MYO16: variants seen among roughly 807,000 people sequenced by gnomAD.
The protein encoded by MYO16 is unconventional myosin-XVI.
Under a neutral mutation model 205.3 loss-of-function variants are expected in MYO16, and 94 were observed. The observed-to-expected ratio is 0.46, with a 90% CI of 0.39 to 0.54. MYO16 has a LOEUF of 0.54. Ranked by LOEUF, MYO16 falls within the 20% of genes least tolerant of loss-of-function variation. The pLI, the probability that MYO16 is intolerant of heterozygous loss-of-function variation, is 0.00. For synonymous variants in MYO16, 988 were observed against 954.0 expected (o/e 1.04, Z -0.66); for missense variants, 2,315 against 2,387.5 (o/e 0.97, Z 0.63).
intron 27 of MYO16, among the ~76,000 whole-genome samples, chr13:109,060,774 G>A (rs539247909): frequency 6.6e-6 from 1 of 152,040 alleles, no homozygotes; most frequent in Non-Finnish European, 1.5e-5. Flanking sequence ...AATGATAATT[G>A]GCTTCAACTT....
chr13:108,516,275 A>G, the MYO16 span, among the ~76,000 whole-genome samples: 1 of 151,462 alleles, frequency 6.6e-6, no homozygotes, highest in African/African-American at 2.4e-5. Context: ...TGACTCGGAA[A>G]GGGAACTTCC....
chr13:108,832,410 A>G (rs1041414117), intron 9 of MYO16, among the ~76,000 whole-genome samples: 12 of 151,480 alleles, frequency 7.9e-5, no homozygotes. Flanking sequence ...CCAAAGTGCT[A>G]GGATTACAGG....
At chr13:108,693,711 G>A (rs1838325413) in intron 2 of MYO16, among the ~76,000 whole-genome samples, 1 of 152,066 alleles carries the variant, frequency 6.6e-6, no homozygotes, top group South Asian at 2.1e-4. Flanking sequence ...GGACTACCTG[G>A]TTTTCTTAAC....
chr13:108,679,143 C>G (rs973472221), intron 2 of MYO16, among the ~76,000 whole-genome samples: 1 of 152,088 alleles, frequency 6.6e-6, no homozygotes, highest in Non-Finnish European at 1.5e-5. Context: ...CTTTAAATAC[C>G]TCTAGCCTGC....
At chr13:108,621,308 T>C (rs1879533666) in intron 1 of MYO16, among the ~76,000 whole-genome samples, 1 of 152,180 alleles carries the variant, frequency 6.6e-6, no homozygotes, top group African/African-American at 2.4e-5. Flanking sequence ...CCAGGGCTGA[T>C]AGAATTCTAT....
chr13:108,674,648 G>T (rs551351397), intron 2 of MYO16, among the ~76,000 whole-genome samples: 1 of 152,290 alleles, frequency 6.6e-6, no homozygotes, highest in African/African-American at 2.4e-5. Context: ...AAATCTACTA[G>T]GAACATGACC....
intron 3 of MYO16, among the ~76,000 whole-genome samples, chr13:108,720,030 G>T (rs536508420): frequency 1.3e-5 from 2 of 152,268 alleles, no homozygotes; most frequent in African/African-American, 4.8e-5. Flanking sequence ...TTAGAGTCTG[G>T]TTCAATTGGC....
chr13:108,974,526 T>C (rs968455902), intron 20 of MYO16, among the ~76,000 whole-genome samples: 59 of 152,310 alleles, frequency 3.9e-4, no homozygotes, highest in African/African-American at 1.4e-3. Flanking sequence ...ACTAATACAT[T>C]CTGAATTAAT....
chr13:108,849,278 C>T (rs144894455), intron 10 of MYO16, among the ~76,000 whole-genome samples: 77 of 152,254 alleles, frequency 5.1e-4, no homozygotes, highest in African/African-American at 1.9e-3. Context: ...GCAACCTCCG[C>T]CTCCCGGGTT....
chr13:108,697,241 A>G (rs753763294), intron 2 of MYO16, among the ~76,000 whole-genome samples: 3 of 152,210 alleles, frequency 2.0e-5, no homozygotes, highest in Non-Finnish European at 4.4e-5. Flanking sequence ...AATGTTCAGT[A>G]CACTATCCAT....
intron 15 of MYO16, among the ~76,000 whole-genome samples, chr13:108,904,376 A>G (rs1305799149): frequency 6.6e-6 from 1 of 152,208 alleles, no homozygotes; most frequent in Non-Finnish European, 1.5e-5. Flanking sequence ...GTATAAGTAA[A>G]AGGAAAACTT....
At chr13:108,614,320 T>C (rs767700301) in intron 1 of MYO16, among the ~76,000 whole-genome samples, 1 of 152,036 alleles carries the variant, frequency 6.6e-6, no homozygotes, top group Non-Finnish European at 1.5e-5. Flanking sequence ...TTGAGAGAAA[T>C]TAAAGAAGCC....
At chr13:109,145,246 C>G (rs956315726) in intron 32 of MYO16, among the ~76,000 whole-genome samples, 1 of 152,178 alleles carries the variant, frequency 6.6e-6, no homozygotes, top group African/African-American at 2.4e-5. Context: ...GATTAATCTA[C>G]TTGCTCAAAG....
intron 6 of MYO16, among the ~76,000 whole-genome samples, chr13:108,803,096 A>G (rs1392704297): frequency 6.6e-6 from 1 of 152,216 alleles, no homozygotes; most frequent in Non-Finnish European, 1.5e-5. Context: ...AAAAATAAAT[A>G]CAAAGTAATT....
chr13:108,648,258 C>T (rs1436460369), intron 1 of MYO16, among the ~76,000 whole-genome samples: 1 of 152,144 alleles, frequency 6.6e-6, no homozygotes, highest in East Asian at 1.9e-4. Flanking sequence ...TTTAATATTC[C>T]CTGGGCATGG....
At chr13:108,619,510 G>A (rs953673013) in intron 1 of MYO16, among the ~76,000 whole-genome samples, 1 of 152,020 alleles carries the variant, frequency 6.6e-6, no homozygotes, top group Non-Finnish European at 1.5e-5. Context: ...ATAGATACTC[G>A]AGGGTGTAAA....
chr13:108,989,733 G>A (rs915116498), intron 20 of MYO16, among the ~76,000 whole-genome samples: 5 of 152,066 alleles, frequency 3.3e-5, no homozygotes, highest in Non-Finnish European at 5.9e-5. Context: ...TAACTAAATT[G>A]TTTTTGAGGA....
chr13:108,621,567 CAT>C (rs1037545996), intron 1 of MYO16, among the ~76,000 whole-genome samples: 4 of 152,302 alleles, frequency 2.6e-5, no homozygotes, highest in African/African-American at 9.6e-5. Flanking sequence ...ATAAGCACTA[CAT>C]GCTTCCTGCT....
At chr13:108,734,212 TTATACA>T (rs896150464) in intron 4 of MYO16, among the ~76,000 whole-genome samples, 75 of 152,002 alleles carry the variant, frequency 4.9e-4, no homozygotes, top group African/African-American at 1.7e-3. Flanking sequence ...TTTTTAGCAC[TTATACA>T]TATATTATTA....
Sources: allele counts gnomAD v4.1 joint callset (sites outside exome capture counted in the v4.1 genomes callset), GRCh38; gene constraint gnomAD v4.1.1; transcripts MANE v1.5; gene names NCBI Gene and HGNC (gene_info 2026-07-23, HGNC 2026-07-21).